CD226: variants seen among roughly 807,000 people sequenced by gnomAD.
CD226 encodes CD226 antigen.
CD226 carries 24 observed loss-of-function variants against 34.9 expected under a neutral mutation model. The ratio of observed to expected loss-of-function variants is 0.69; its 90% CI spans 0.50 to 0.97. The LOEUF (loss-of-function observed/expected upper bound fraction) is 0.97. Ranked by LOEUF, CD226 falls within the 50% of genes least tolerant of loss-of-function variation. The probability of loss-of-function intolerance (pLI) is 0.00; values close to 1 mark genes in which losing one functional copy is unlikely to be tolerated. For missense variants in CD226, 397 were observed against 412.7 expected (o/e 0.96, Z 0.33); for synonymous variants, 148 against 147.4 (o/e 1.00, Z -0.03).
At chr18:69,917,385 C>T (rs1427946787) in intron 2 of CD226, among the ~76,000 whole-genome samples, 5 of 152,278 alleles carry the variant, frequency 3.3e-5, no homozygotes, top group Admixed American at 3.3e-4. Flanking sequence ...GACACTCCCT[C>T]CCCCAGCACC....
intron 3 of CD226, among the ~76,000 whole-genome samples, chr18:69,885,536 G>C (rs1984508323): frequency 6.6e-6 from 1 of 152,122 alleles, no homozygotes; most frequent in Non-Finnish European, 1.5e-5. Flanking sequence ...TCAAGGGAGT[G>C]GACTTTCCCA....
intron 5 of CD226, among the ~76,000 whole-genome samples, chr18:69,864,659 T>A (rs1790931): frequency 0.48 from 72,508 of 152,122 alleles, 18,401 homozygotes; most frequent in East Asian, 0.73. Flanking sequence ...CTTGCTGTAT[T>A]GTGCTATGAA....
At position 69,868,170 on chromosome 18, in the gene CD226, C is replaced by A. The variant is rs1983266184; in HGVS notation, c.831-759G>T. 2.6e-5 allele frequency among the ~76,000 whole-genome samples: 4 copies of A among 152,192 alleles called. No individual in the cohort carries two copies. The South Asian group carries it at 8.3e-4, about 31-fold the overall frequency. On this transcript the variant is annotated intron_variant, in intron 4 of 5. Coordinates refer to ENST00000582621, the MANE Select transcript of CD226 (RefSeq NM_001303618.2). ...TACCAGAGAAGAAGAAAAGAGGCTA[C>A]TGTAACTGAATGCAAGAGCTGATAT...
chr18:69,879,213 T>C (rs1032553067), intron 3 of CD226, among the ~76,000 whole-genome samples: 1 of 152,162 alleles, frequency 6.6e-6, no homozygotes, highest in African/African-American at 2.4e-5. Flanking sequence ...ATAAACATCT[T>C]AACAGGGTTC....
chr18:69,912,501 G>A (rs2055337749), intron 2 of CD226, among the ~76,000 whole-genome samples: 1 of 152,122 alleles, frequency 6.6e-6, no homozygotes, highest in Non-Finnish European at 1.5e-5. Flanking sequence ...ACAAAGCTCT[G>A]TACATTTTGA....
chr18:69,896,100 A>G (rs1985275124), intron 2 of CD226, 55 bp from the exon 3 acceptor site: 3 of 1,543,732 alleles, frequency 1.9e-6, no homozygotes, highest in African/African-American at 1.4e-5. Context: ...GGGACACCCA[A>G]CTGGAAGATA....
chr18:69,950,996 TG>T (rs1385952183), upstream of CD226, among the ~76,000 whole-genome samples: 4 of 150,516 alleles, frequency 2.7e-5, no homozygotes, highest in East Asian at 5.8e-4. Context: ...TGTGTGTGTG[TG>T]TGTGTGTGTG....
rs975161532 is a variant in CD226, at chr18:69,861,285, T to C, written c.*3029A>G. On this transcript the variant is annotated 3_prime_UTR_variant, in exon 6 of 6. Coordinates refer to ENST00000582621, the MANE Select transcript of CD226 (RefSeq NM_001303618.2). The stretch of plus-strand genomic sequence containing the variant: ...CAAGTAAATGAAATTTCTATTTTAT[T>C]TTCTCAACATATTATACCTAAAGTT... 4 of 151,502 alleles carry C rather than the reference T, an allele frequency of 2.6e-5. No individual in the cohort carries two copies. Among genetic ancestry groups the C allele is most frequent in the African/African-American group, 9.7e-5 (4 of 41,342 alleles). 9.4% of individuals were successfully genotyped at this position (151,502 alleles called of 1,614,324 possible). A position where few individuals can be genotyped will look rare whatever the true frequency, so the allele number is the denominator to read the frequency against.
chr18:69,924,764 T>C (rs1034295288), intron 2 of CD226, among the ~76,000 whole-genome samples: 1 of 136,310 alleles, frequency 7.3e-6, no homozygotes, highest in African/African-American at 2.7e-5. Flanking sequence ...AAATAAGCAG[T>C]GAGGCCCAAA....
upstream of CD226, among the ~76,000 whole-genome samples, chr18:69,950,188 ACT>A (rs2055839260): frequency 2.0e-5 from 3 of 152,076 alleles, no homozygotes; most frequent in South Asian, 2.1e-4. Context: ...ACATGCATAC[ACT>A]CACATGCACG....
At chr18:69,944,387 T>C (rs1478195098) in intron 2 of CD226, 1 of 152,196 alleles carries the variant, frequency 6.6e-6, no homozygotes, top group Non-Finnish European at 1.5e-5. Context: ...GACAGCTCTC[T>C]TTTCCTAACC....
rs1321785250 is a variant in CD226 at position 69,860,088 on chromosome 18, A to C, written c.*4226T>G. On this transcript the variant is annotated 3_prime_UTR_variant, in exon 6 of 6. Coordinates refer to ENST00000582621, the MANE Select transcript of CD226 (RefSeq NM_001303618.2). Reference sequence around the variant, plus strand: ...ACTCCGTCTCAAAAAAATAATAATAAAATAAAATACAAAGAACATTGCATT... The same window carrying C: ...ACTCCGTCTCAAAAAAATAATAATACAATAAAATACAAAGAACATTGCATT... The C allele has an allele frequency of 6.6e-6, 1 of 152,196 alleles. No individual in the cohort carries two copies. Among genetic ancestry groups the C allele is most frequent in the East Asian group, 1.9e-4 (1 of 5,198 alleles). 9.4% of individuals were successfully genotyped at this position (152,196 alleles called of 1,614,324 possible).
chr18:69,934,663 CA>C (rs201979096), intron 2 of CD226, among the ~76,000 whole-genome samples: 2,589 of 152,144 alleles, frequency 0.017, 61 homozygotes, highest in African/African-American at 0.059. Flanking sequence ...AGGCAGATTA[CA>C]AAGAAGATTT....
intron 3 of CD226, among the ~76,000 whole-genome samples, chr18:69,880,839 T>C (rs1408178561): frequency 1.3e-5 from 2 of 151,994 alleles, no homozygotes; most frequent in Non-Finnish European, 1.5e-5. Context: ...TTAGTAGAGA[T>C]GGGGTTTCAC....
intron 2 of CD226, among the ~76,000 whole-genome samples, chr18:69,943,440 C>T (rs567022560): frequency 6.6e-6 from 1 of 152,268 alleles, no homozygotes; most frequent in African/African-American, 2.4e-5. Flanking sequence ...TTATTCTTAC[C>T]ATCAGAGTCT....
chr18:69,945,402 C>G (rs1422974318), intron 2 of CD226, among the ~76,000 whole-genome samples: 1 of 152,176 alleles, frequency 6.6e-6, no homozygotes, highest in Non-Finnish European at 1.5e-5. Context: ...TTCCAATATA[C>G]TACAACCAGT....
upstream of CD226, among the ~76,000 whole-genome samples, chr18:69,950,920 G>A (rs576970607): frequency 2.6e-5 from 4 of 151,516 alleles, no homozygotes; most frequent in East Asian, 1.9e-4. Flanking sequence ...CTTTCCACAC[G>A]CCACAGAGAT....
chr18:69,950,531 A>T (rs951914903), upstream of CD226, among the ~76,000 whole-genome samples: 8 of 152,164 alleles, frequency 5.3e-5, no homozygotes, highest in Non-Finnish European at 8.8e-5. Context: ...TGGTCGGGAA[A>T]GGCTCTCGGG....
rs139859152 is a variant in CD226 at position 69,920,007 on chromosome 18, A to C, written c.383-23962T>G. 4.8e-3 allele frequency among the ~76,000 whole-genome samples: 727 copies of C among 151,874 alleles called. 5 individuals carry two copies. Among genetic ancestry groups the C allele is most frequent in the African/African-American group, 0.017 (687 of 41,430 alleles). On this transcript the variant is annotated intron_variant, in intron 2 of 5. Transcript: ENST00000582621. The stretch of plus-strand genomic sequence containing the variant: ...GCCTCCTAAGTAGCTGGGACAACAG[A>C]CATGTGCCACCACACTCAGCTAATT...
Sources: gnomAD v4.1 joint callset for allele counts (sites outside exome capture counted in the v4.1 genomes callset) on GRCh38, gnomAD v4.1.1 for gene constraint, MANE v1.5 for transcripts, NCBI Gene and HGNC (gene_info 2026-07-23, HGNC 2026-07-21) for gene names.